Variants in REV3L observed in about 807,000 individuals in gnomAD.
REV3L encodes REV3 like, DNA directed polymerase zeta catalytic subunit.
REV3L carries 69 observed loss-of-function variants against 299.4 expected under a neutral mutation model. The observed-to-expected ratio is 0.23, with a 90% CI of 0.19 to 0.28. The LOEUF (loss-of-function observed/expected upper bound fraction) is 0.28. Ranked by LOEUF, REV3L falls within the 10% of genes least tolerant of loss-of-function variation. The probability of loss-of-function intolerance (pLI) is 1.00; values close to 1 mark genes in which losing one functional copy is unlikely to be tolerated. For synonymous variants in REV3L, 1,238 were observed against 1,271.4 expected (o/e 0.97, Z 0.56); for missense variants, 3,128 against 3,693.8 (o/e 0.85, Z 3.97).
At position 111,422,597 on chromosome 6, in the gene REV3L, C is replaced by CATATATATATATACGT. The variant is rs1785537928; in HGVS notation, c.140-6126_140-6125insACGTATATATATATAT. On this transcript the variant is annotated intron_variant, in intron 1 of 31. Coordinates refer to ENST00000368802, the MANE Select transcript of REV3L (RefSeq NM_001372078.1). ...ATATACACATATATATATATATACA[C>CATATATATATATACGT]ATATATATATATATACACATATATA... Among the ~76,000 whole-genome samples, 11 of 17,902 alleles carry CATATATATATATACGT rather than the reference C, an allele frequency of 6.1e-4. 2 individuals are homozygous for CATATATATATATACGT. Among genetic ancestry groups the CATATATATATATACGT allele is most frequent in the African/African-American group, 1.5e-3 (11 of 7,132 alleles). The allele number at this position is 17,902 out of a possible 152,430, so 11.7% of individuals were successfully genotyped here. A position where few individuals can be genotyped will look rare whatever the true frequency, so the allele number is the denominator to read the frequency against.
At chr6:111,341,762 G>GT (rs200854646) in intron 21 of REV3L, among the ~76,000 whole-genome samples, 8 of 151,856 alleles carry the variant, frequency 5.3e-5, no homozygotes, top group Non-Finnish European at 4.4e-5. Flanking sequence ...GAGTTGGGGG[G>GT]GGTCAGAAGT....
rs771518328 is a variant in REV3L at position 111,374,564 on chromosome 6, T to C, written c.3791A>G (p.Gln1264Arg). Residue 1264 changes from glutamine (Q) to arginine (R), a missense_variant, in exon 13 of 32, where the codon CAG (glutamine) becomes CGG (arginine). By Grantham distance (43) the Gln-to-Arg change is conservative. Coordinates refer to ENST00000368802, the MANE Select transcript of REV3L (RefSeq NM_001372078.1). ...AGAGCCCATTAGTGGCATATCTTTC[T>C]GTTTAAAAAGTAGTTGAGAGCCTCC... ...SSGGSQLLFK[Q>R]KDMPLMGSAV... The C allele has an allele frequency of 5.0e-6, 8 of 1,614,018 alleles. No homozygotes were observed. The East Asian group carries it at 6.7e-5, about 13-fold the overall frequency.
chr6:111,313,289 A>G (rs1267008506), intron 28 of REV3L, 63 bp downstream of exon 28: 2 of 1,501,098 alleles, frequency 1.3e-6, no homozygotes, highest in Non-Finnish European at 9.0e-7. Context: ...GGGTAGTTAC[A>G]TTTTCACCAG....
In REV3L at chr6:111,416,416, C is replaced by G; in HGVS notation, c.196G>C (p.Asp66His). ...GIFPYLYVPY[D>H]GYGQQPESYL... ...CTTTCTGGCTGCTGTCCATAACCAT[C>G]GTATGGCACATAGAGGTAAGGAAAG... The change falls in exon 2 of 32, where the codon GAT becomes CAT. Residue 66 changes from aspartate (D) to histidine (H), a missense_variant. Coordinates refer to ENST00000368802, the MANE Select transcript of REV3L (RefSeq NM_001372078.1). 1.9e-6 allele frequency: 3 copies of G among 1,613,716 alleles called. No individual in the cohort carries two copies. The highest frequency in any genetic ancestry group is 4.5e-5 in the East Asian group (2 of 44,830).
intron 1 of REV3L, among the ~76,000 whole-genome samples, chr6:111,420,714 ACCATGGCAAAACTCT>A (rs1294863528): frequency 6.6e-6 from 1 of 152,238 alleles, no homozygotes; most frequent in Non-Finnish European, 1.5e-5. Context: ...AAAACTTGAC[ACCATGGCAAAACTCT>A]GTGGAGCTGG....
In REV3L at chr6:111,387,862, A is replaced by G; in HGVS notation, c.999T>C (p.Ala333=). Residue 333 remains alanine, a synonymous_variant, in exon 9 of 32, where the codon GCT becomes GCC. Transcript: ENST00000368802. ...GAACCTCAGAGTGCAATGTTAACTC[A>G]GCAGAGAACTCCTGGGATCCATCGC... ...DYSDGSQEFS[A]ELTLHSEVLS... is the part of the protein sequence containing the mutation. The G allele has an allele frequency of 6.2e-7, 1 of 1,613,918 alleles. No individual in the cohort carries two copies. Among genetic ancestry groups the G allele is most frequent in the Non-Finnish European group, 8.5e-7 (1 of 1,179,862 alleles).
chr6:111,478,222 A>G (rs1350055054), intron 1 of REV3L, among the ~76,000 whole-genome samples: 4 of 152,138 alleles, frequency 2.6e-5, no homozygotes, highest in South Asian at 4.1e-4. Context: ...ATGTCTCCCA[A>G]TGAATCCTTG....
chr6:111,327,507 T>C (rs1395623141), intron 25 of REV3L, among the ~76,000 whole-genome samples: 1 of 151,818 alleles, frequency 6.6e-6, no homozygotes, highest in Admixed American at 6.6e-5. Context: ...TGAGCCGTGG[T>C]TAAGCCACTG....
intron 1 of REV3L, among the ~76,000 whole-genome samples, chr6:111,480,838 G>GTTTTTTT (rs56230820): frequency 9.2e-6 from 1 of 109,038 alleles, no homozygotes; most frequent in Non-Finnish European, 2.0e-5. Context: ...TTTCGTTTTT[G>GTTTTTTT]TTTTTTTTTT....
At chr6:111,307,682 T>C in intron 30 of REV3L, 112 bp from the exon 31 acceptor site, 1 of 957,316 alleles carries the variant, frequency 1.0e-6, no homozygotes, top group Non-Finnish European at 1.6e-6. Context: ...CATTCACTCA[T>C]TCAACAAATG....
chr6:111,333,254 A>C lies in REV3L; in HGVS notation c.7794T>G (p.Ile2598Met), dbSNP rs769262308. ...QMRAPQCVPL[I>M]MEPESRFYSN... ...TATAGAAGCGGGATTCAGGCTCCAT[A>C]ATTAGAGGAACACACTGTGGGGCTC... Residue 2598 changes from isoleucine to methionine, a missense_variant, in exon 23 of 32, where the codon ATT (isoleucine) becomes ATG (methionine). Physicochemically the swap from Ile to Met is conservative, Grantham distance 10. Transcript: ENST00000368802. 1 of 1,614,118 alleles carries C rather than the reference A, an allele frequency of 6.2e-7. No homozygotes were observed. Among genetic ancestry groups the C allele is most frequent in the Non-Finnish European group, 8.5e-7 (1 of 1,180,014 alleles).
rs1554224653 is a variant in REV3L, at chr6:111,411,566, G to A, written c.330-12C>T. On this transcript the variant is annotated splice_polypyrimidine_tract_variant and intron_variant, in intron 2 of 31. Transcript: ENST00000368802. ...AACCATAAAAAGGCCTGAAATATAA[G>A]AAAAAAAATTTCAAATTATTTTCAT... is the stretch of plus-strand genomic sequence containing the variant. 19 of 1,476,968 alleles carry A rather than the reference G, an allele frequency of 1.3e-5. No homozygotes were observed. The highest frequency in any genetic ancestry group is 1.2e-4 in the South Asian group (10 of 80,870). The allele number at this position is 1,476,968 out of a possible 1,614,324, so 91.5% of individuals were successfully genotyped here. A position where few individuals can be genotyped will look rare whatever the true frequency, so the allele number is the denominator to read the frequency against.
At chr6:111,381,199 C>G (rs1780793760) in intron 10 of REV3L, 126 bp downstream of exon 10, 19 of 916,622 alleles carry the variant, frequency 2.1e-5, no homozygotes, top group Non-Finnish European at 2.8e-5. Flanking sequence ...TTTTCATATT[C>G]AGTAGAGTGT....
chr6:111,362,695 T>C (rs968578462), intron 16 of REV3L, among the ~76,000 whole-genome samples: 1 of 152,156 alleles, frequency 6.6e-6, no homozygotes, highest in Non-Finnish European at 1.5e-5. Context: ...TTGAAATGAG[T>C]ATGTACTTTA....
Position 111,349,318 on chromosome 6 carries a change from C to G in REV3L, c.7319G>C (p.Arg2440Thr), listed in dbSNP as rs1407495703. Residue 2440 changes from arginine to threonine, a missense_variant, in exon 20 of 32, where the codon AGA (arginine) becomes ACA (threonine). By Grantham distance (71) the Arg-to-Thr change is moderately conservative. This residue lies in a region of REV3L where 50 missense variants were observed against 48.2 expected (regional missense o/e 1.04). Coordinates refer to ENST00000368802, the MANE Select transcript of REV3L (RefSeq NM_001372078.1). Reference sequence around the variant, plus strand: ...ATACTCATCTCTTTCAGCTGCAAATCTGTTCTCAATTTTGTCATCTATAGA... The same window carrying G: ...ATACTCATCTCTTTCAGCTGCAAATGTGTTCTCAATTTTGTCATCTATAGA... ...SRVPDDKIEN[R>T]FAAERDEYGS... 1.3e-6 allele frequency: 2 copies of G among 1,592,016 alleles called. No individual in the cohort carries two copies. The highest frequency in any genetic ancestry group is 4.5e-5 in the East Asian group (2 of 44,362).
At chr6:111,481,400 A>G (rs1020116252) in intron 1 of REV3L, among the ~76,000 whole-genome samples, 1 of 152,216 alleles carries the variant, frequency 6.6e-6, no homozygotes, top group African/African-American at 2.4e-5. Context: ...TACACTTTCA[A>G]CACGTTAAAA....
At chr6:111,454,423 C>T (rs542987529) in intron 1 of REV3L, among the ~76,000 whole-genome samples, 3 of 151,894 alleles carry the variant, frequency 2.0e-5, no homozygotes, top group Non-Finnish European at 4.4e-5. Flanking sequence ...ACCATCTTAA[C>T]CCTTTTTGGG....
chr6:111,310,004 T>C lies in REV3L; in HGVS notation c.8891A>G (p.Gln2964Arg), dbSNP rs1256473091. Residue 2964 changes from glutamine to arginine, a missense_variant, in exon 30 of 32, where the codon CAG becomes CGG. Coordinates refer to ENST00000368802, the MANE Select transcript of REV3L (RefSeq NM_001372078.1). The part of the protein sequence containing the change: ...IYGTPGVPLI[Q>R]LVRRPVEVLQ... Reference sequence around the variant, plus strand: ...GACTTCCACTGGGCGCCTTACAAGCTGGATAAGTGGTACTCCGGGGGTCCC... The same window carrying C: ...GACTTCCACTGGGCGCCTTACAAGCCGGATAAGTGGTACTCCGGGGGTCCC... 4 of 1,613,830 alleles carry C rather than the reference T, an allele frequency of 2.5e-6. No homozygotes were observed. Among genetic ancestry groups the C allele is most frequent in the Non-Finnish European group, 3.4e-6 (4 of 1,179,870 alleles).
intron 1 of REV3L, among the ~76,000 whole-genome samples, chr6:111,470,603 T>G (rs1400824854): frequency 6.6e-6 from 1 of 152,228 alleles, no homozygotes; most frequent in Non-Finnish European, 1.5e-5. Context: ...GGCTTCTATT[T>G]TCAAAACACT....
Sources: allele counts gnomAD v4.1 joint callset (sites outside exome capture counted in the v4.1 genomes callset), GRCh38; gene constraint gnomAD v4.1.1; regional missense constraint gnomAD v4.1.1; transcripts MANE v1.5; gene names NCBI Gene and HGNC (gene_info 2026-07-23, HGNC 2026-07-21).